ADGRD1: variants seen among roughly 807,000 people sequenced by gnomAD.
ADGRD1 encodes adhesion G protein-coupled receptor D1, also known as G-protein coupled receptor 133.
Under a neutral mutation model 113.4 loss-of-function variants are expected in ADGRD1, and 77 were observed. The observed-to-expected ratio is 0.68, with a 90% confidence interval of 0.57 to 0.82. The LOEUF (loss-of-function observed/expected upper bound fraction) is 0.82. ADGRD1 is among the 40% of genes least tolerant of loss of function. The pLI is 0.00. For missense variants in ADGRD1, 1,036 were observed against 1,139.1 expected (o/e 0.91, Z 1.30); for synonymous variants, 474 against 475.0 (o/e 1.00, Z 0.03).
At chr12:131,107,287 G>A (rs572246876) in intron 17 of ADGRD1, among the ~76,000 whole-genome samples, 2 of 147,288 alleles carry the variant, frequency 1.4e-5, no homozygotes, top group Admixed American at 6.8e-5. Flanking sequence ...CCAGAGACCT[G>A]TGTCTGAATC....
intron 12 of ADGRD1, among the ~76,000 whole-genome samples, chr12:131,010,746 C>T (rs1182713333): frequency 1.3e-5 from 2 of 152,138 alleles, no homozygotes; most frequent in African/African-American, 2.4e-5. Flanking sequence ...AAGGTGCAAT[C>T]AGGAGTGGAG....
At chr12:131,076,617 G>A (rs1421127369) in intron 13 of ADGRD1, among the ~76,000 whole-genome samples, 184 bp from the exon 14 acceptor site, 1 of 152,062 alleles carries the variant, frequency 6.6e-6, no homozygotes, top group Non-Finnish European at 1.5e-5. Flanking sequence ...CAGAGCAGAG[G>A]GCAGCATGAC....
chr12:131,015,125 T>G (rs1239705066), intron 13 of ADGRD1, among the ~76,000 whole-genome samples: 1 of 152,292 alleles, frequency 6.6e-6, no homozygotes, highest in Non-Finnish European at 1.5e-5. Flanking sequence ...TATTTCATTC[T>G]GTTTCACTCT....
chr12:131,092,004 G>A (rs1194673911), intron 15 of ADGRD1: 3 of 152,272 alleles, frequency 2.0e-5, no homozygotes, highest in African/African-American at 7.2e-5. Context: ...AGGAACTTAG[G>A]GAAAGAGATG....
intron 13 of ADGRD1, among the ~76,000 whole-genome samples, chr12:131,043,561 G>A (rs1882361116): frequency 6.6e-6 from 1 of 152,258 alleles, no homozygotes; most frequent in Non-Finnish European, 1.5e-5. Flanking sequence ...CAGGAGGCTG[G>A]CTCTCCTTCT....
intron 18 of ADGRD1, among the ~76,000 whole-genome samples, chr12:131,114,623 C>G (rs1950420973): frequency 6.6e-6 from 1 of 152,136 alleles, no homozygotes; most frequent in Non-Finnish European, 1.5e-5. Context: ...GCTGGAGGCC[C>G]ACCCAGAGCA....
chr12:131,136,532 A>G (rs1195867168), intron 22 of ADGRD1, among the ~76,000 whole-genome samples: 1 of 152,228 alleles, frequency 6.6e-6, no homozygotes, highest in African/African-American at 2.4e-5. Flanking sequence ...TCTGGGAACC[A>G]AAGACTTGGG....
Position 131,000,454 on chromosome 12 carries a change from G to T in ADGRD1, c.1026+12G>T. Reference sequence around the variant, plus strand: ...TTGCTCTGTCAGAGGTAAGAGAAAAGAACATGGTCGGTCATGGTGGCTCAT... The same window carrying T: ...TTGCTCTGTCAGAGGTAAGAGAAAATAACATGGTCGGTCATGGTGGCTCAT... On this transcript the variant is annotated intron_variant, in intron 9 of 24. Coordinates refer to ENST00000261654, the MANE Select transcript of ADGRD1 (RefSeq NM_198827.5). 1 of 1,608,002 alleles carries T rather than the reference G, an allele frequency of 6.2e-7. No homozygotes were observed. Among genetic ancestry groups the T allele is most frequent in the Non-Finnish European group, 8.5e-7 (1 of 1,175,764 alleles).
intron 13 of ADGRD1, among the ~76,000 whole-genome samples, chr12:131,072,614 G>A (rs1885274384): frequency 6.6e-6 from 1 of 152,208 alleles, no homozygotes; most frequent in African/African-American, 2.4e-5. Flanking sequence ...ATGTGTGTGG[G>A]GGGTGGCGCC....
At chr12:131,126,900 G>C (rs1950748652) in intron 20 of ADGRD1, among the ~76,000 whole-genome samples, 1 of 152,170 alleles carries the variant, frequency 6.6e-6, no homozygotes, top group African/African-American at 2.4e-5. Flanking sequence ...GGATGAGGAT[G>C]AGTGAAATGG....
In ADGRD1 at chr12:131,101,503, T is replaced by A. The variant is rs536010076; in HGVS notation, c.1672-3328T>A. On this transcript the variant is annotated intron_variant, in intron 15 of 24. Transcript: ENST00000261654. ...CCCGGGTTCAAGTGATTCTCCTGCCTCAGCCTCCTGAGTAGCTGGGATTAC... is the reference window on the plus strand; with the variant it reads ...CCCGGGTTCAAGTGATTCTCCTGCCACAGCCTCCTGAGTAGCTGGGATTAC... Among the ~76,000 whole-genome samples, 33 of 146,396 alleles carry A rather than the reference T, an allele frequency of 2.3e-4. 1 individual carries two copies. The highest frequency in any genetic ancestry group is 7.1e-3 in the Middle Eastern group (2 of 282).
chr12:130,987,426 C>G (rs1873838785), intron 6 of ADGRD1, 77 bp downstream of exon 6: 2 of 1,543,362 alleles, frequency 1.3e-6, no homozygotes, highest in African/African-American at 2.7e-5. Context: ...CCTTTCTCCC[C>G]ACTCTCCCGT....
intron 8 of ADGRD1, among the ~76,000 whole-genome samples, chr12:130,996,996 G>T (rs1206162604): frequency 7.3e-6 from 1 of 137,378 alleles, no homozygotes; most frequent in African/African-American, 2.8e-5. Flanking sequence ...TGGGGCGGCT[G>T]GCCAGGCGGG....
At position 131,075,249 on chromosome 12, in the gene ADGRD1, C is replaced by T. The variant is rs1334196199; in HGVS notation, c.1474-1552C>T. 6.6e-6 allele frequency among the ~76,000 whole-genome samples: 1 copy of T among 152,136 alleles called. No individual in the cohort carries two copies. Among genetic ancestry groups the T allele is most frequent in the Admixed American group, 6.5e-5 (1 of 15,282 alleles). ...CTTTGGCCCTGGTGTAGCCTGGGCC[C>T]AAGGAAGCCTCATTACACCCCTCCG... On this transcript the variant is annotated intron_variant, in intron 13 of 24. Transcript: ENST00000261654. The surrounding 1 kb of genome is among the most constrained non-coding windows in gnomAD (Gnocchi z 5.3).
intron 13 of ADGRD1, among the ~76,000 whole-genome samples, chr12:131,071,847 C>T (rs868794639): frequency 6.6e-6 from 1 of 151,586 alleles, no homozygotes; most frequent in Non-Finnish European, 1.5e-5. Context: ...GTACCCTCCT[C>T]TGTGGGCTCC....
rs768979456 is a variant in ADGRD1 at position 131,076,879 on chromosome 12, C to T, written c.1547+5C>T. The T allele has an allele frequency of 1.9e-6, 3 of 1,613,076 alleles. No homozygotes were observed. The highest frequency in any genetic ancestry group is 1.7e-5 in the Admixed American group (1 of 60,004). On this transcript the variant is annotated splice_donor_5th_base_variant and intron_variant, in intron 14 of 24. Coordinates refer to ENST00000261654, the MANE Select transcript of ADGRD1 (RefSeq NM_198827.5). Reference sequence around the variant, plus strand: ...CTGCGCCTTCCTGGACTTCAGGTACCCTCTGCACAGGGGAGAGCAGGTGGG... The same window carrying T: ...CTGCGCCTTCCTGGACTTCAGGTACTCTCTGCACAGGGGAGAGCAGGTGGG...
Position 131,139,403 on chromosome 12 carries a change from C to A in ADGRD1, c.*140C>A. On this transcript the variant is annotated 3_prime_UTR_variant, in exon 25 of 25. Transcript: ENST00000261654. ...TTGTGGCCCCGAGACAGCTGTCCTCCCCTGTGACTCTGGCTGTCGGAGCAC... is the reference window on the plus strand; with the variant it reads ...TTGTGGCCCCGAGACAGCTGTCCTCACCTGTGACTCTGGCTGTCGGAGCAC... 1 of 640,528 alleles carries A rather than the reference C, an allele frequency of 1.6e-6. No individual in the cohort carries two copies. The highest frequency in any genetic ancestry group is 2.8e-5 in the East Asian group (1 of 35,740). The allele number at this position is 640,528 out of a possible 1,614,324, so 39.7% of individuals were successfully genotyped here. A position where few individuals can be genotyped will look rare whatever the true frequency, so the allele number is the denominator to read the frequency against.
At chr12:130,997,880 C>T (rs1175855003) in intron 8 of ADGRD1, among the ~76,000 whole-genome samples, 1 of 152,182 alleles carries the variant, frequency 6.6e-6, no homozygotes, top group Non-Finnish European at 1.5e-5. Flanking sequence ...TGTAGCTAGC[C>T]CAGATCACGC....
At chr12:131,014,431 C>G in intron 13 of ADGRD1, 91 bp downstream of exon 13, 1 of 1,200,636 alleles carries the variant, frequency 8.3e-7, no homozygotes, top group Middle Eastern at 2.0e-4. Context: ...CATAAAGAAT[C>G]TCCAACAGCC....
Sources: allele counts gnomAD v4.1 joint callset (sites outside exome capture counted in the v4.1 genomes callset), GRCh38; gene constraint gnomAD v4.1.1; non-coding constraint Gnocchi (gnomAD v3.1); transcripts MANE v1.5; gene names NCBI Gene and HGNC (gene_info 2026-07-23, HGNC 2026-07-21).